Variants in SPATA16 observed in about 807,000 individuals in gnomAD.
SPATA16 encodes spermatogenesis-associated protein 16.
In SPATA16, 36 loss-of-function variants were observed where a neutral mutation model predicts 63.3. The observed-to-expected ratio is 0.57, with a 90% CI of 0.44 to 0.75. The LOEUF is 0.75. Ranked by LOEUF, SPATA16 falls within the 30% of genes least tolerant of loss-of-function variation. The pLI, the probability that SPATA16 is intolerant of heterozygous loss-of-function variation, is 0.00. For missense variants in SPATA16, 646 were observed against 679.3 expected (o/e 0.95, Z 0.54); for synonymous variants, 203 against 216.7 (o/e 0.94, Z 0.56).
intron 10 of SPATA16, among the ~76,000 whole-genome samples, chr3:172,904,481 C>T (rs183274162): frequency 6.8e-4 from 103 of 152,274 alleles, no homozygotes; most frequent in African/African-American, 1.7e-3. Flanking sequence ...CATGATTTGA[C>T]GCCTGCTCAG....
At position 172,889,499 on chromosome 3, in the gene SPATA16, G is replaced by A. The variant is rs563732688; in HGVS notation, c.*71C>T. ...TTGTTATCCAGCTTCACAGTACTAG[G>A]TGGGCATTGGAGTGGATGCCCTTGC... On this transcript the variant is annotated 3_prime_UTR_variant, in exon 11 of 11. Transcript: ENST00000351008. The A allele has an allele frequency of 2.6e-5, 42 of 1,592,584 alleles. No individual in the cohort carries two copies. The highest frequency in any genetic ancestry group is 3.6e-5 in the Non-Finnish European group (42 of 1,162,904).
intron 2 of SPATA16, among the ~76,000 whole-genome samples, chr3:173,090,290 T>A (rs1489802311): frequency 6.6e-6 from 1 of 152,158 alleles, no homozygotes; most frequent in East Asian, 1.9e-4. Context: ...TGTCATGTGA[T>A]GTGCCTGATC....
intron 3 of SPATA16, among the ~76,000 whole-genome samples, chr3:173,035,360 T>G (rs1459897566): frequency 6.6e-6 from 1 of 152,040 alleles, no homozygotes; most frequent in South Asian, 2.1e-4. Context: ...GAAAGTGAGT[T>G]TTGAGCTGCC....
intron 2 of SPATA16, among the ~76,000 whole-genome samples, chr3:173,081,684 A>G (rs1015275117): frequency 6.6e-6 from 1 of 152,212 alleles, no homozygotes; most frequent in Admixed American, 6.5e-5. Context: ...AAATGAAAAC[A>G]CAGATCTTCT....
At position 172,912,472 on chromosome 3, in the gene SPATA16, G is replaced by A. The variant is rs1732390558; in HGVS notation, c.1587+1189C>T. 2.0e-5 allele frequency among the ~76,000 whole-genome samples: 3 copies of A among 151,810 alleles called. No homozygotes were observed. The South Asian group carries it at 6.3e-4, about 32-fold the overall frequency. On this transcript the variant is annotated intron_variant, in intron 10 of 10. Transcript: ENST00000351008. Reference sequence around the variant, plus strand: ...TCTGGGTTTTTTTGTACATACAGTGGACTCTTGAGCAACATGGGTTTGAAA... The same window carrying A: ...TCTGGGTTTTTTTGTACATACAGTGAACTCTTGAGCAACATGGGTTTGAAA...
chr3:173,045,642 C>T (rs564179597), intron 3 of SPATA16, among the ~76,000 whole-genome samples: 6 of 151,998 alleles, frequency 3.9e-5, no homozygotes, highest in East Asian at 1.9e-4. Context: ...ACATTCTAGA[C>T]GTTGTGGTCT....
At chr3:172,943,322 A>G (rs77484534) in intron 6 of SPATA16, among the ~76,000 whole-genome samples, 2,584 of 152,334 alleles carry the variant, frequency 0.017, 74 homozygotes, top group African/African-American at 0.059. Context: ...AGTGGTGGAA[A>G]TTTAAGTCTT....
intron 3 of SPATA16, among the ~76,000 whole-genome samples, chr3:173,024,604 C>G (rs1735409302): frequency 6.6e-6 from 1 of 150,424 alleles, no homozygotes; most frequent in Non-Finnish European, 1.5e-5. Context: ...TAAAATAAAA[C>G]TACATCCAGG....
intron 5 of SPATA16, among the ~76,000 whole-genome samples, chr3:172,961,089 C>CCTGT (rs1322100968): frequency 1.8e-5 from 2 of 112,380 alleles, no homozygotes; most frequent in East Asian, 2.9e-4. Flanking sequence ...TTCCTTCCTT[C>CCTGT]CTTCCTTCCT....
intron 6 of SPATA16, among the ~76,000 whole-genome samples, chr3:172,944,577 G>A (rs1733236352): frequency 6.6e-6 from 1 of 152,168 alleles, no homozygotes; most frequent in Non-Finnish European, 1.5e-5. Context: ...TAGCCAAAAG[G>A]TGGAAGCACC....
rs138574946 is a variant in SPATA16 at position 173,098,969 on chromosome 3, A to C, written c.612+18151T>G. Among the ~76,000 whole-genome samples the C allele has an allele frequency of 2.8e-4, 43 of 152,166 alleles. No individual in the cohort carries two copies. The East Asian group carries it at 6.8e-3, about 24-fold the overall frequency. ...ATCAACCAACCAACCAACCAACCAA[A>C]CAAACAAAAAACCAAAAACCTTCAA... On this transcript the variant is annotated intron_variant, in intron 2 of 10. Transcript: ENST00000351008.
chr3:172,910,338 C>T (rs182561655), intron 10 of SPATA16, among the ~76,000 whole-genome samples: 13 of 152,186 alleles, frequency 8.5e-5, no homozygotes, highest in African/African-American at 2.4e-4. Flanking sequence ...GTGATCCGCC[C>T]GCCTTGGCCT....
chr3:173,100,707 CAG>C (rs372027586), intron 2 of SPATA16, among the ~76,000 whole-genome samples: 6 of 143,810 alleles, frequency 4.2e-5, no homozygotes, highest in Non-Finnish European at 7.6e-5. Context: ...CACACACACA[CAG>C]AGTAAATTCT....
At chr3:173,007,667 A>G (rs1271818687) in intron 4 of SPATA16, among the ~76,000 whole-genome samples, 1 of 152,252 alleles carries the variant, frequency 6.6e-6, no homozygotes, top group Non-Finnish European at 1.5e-5. Context: ...AATAAATGTT[A>G]TATGATATTA....
chr3:173,020,921 T>C (rs924071334), intron 3 of SPATA16, among the ~76,000 whole-genome samples: 2 of 152,232 alleles, frequency 1.3e-5, no homozygotes, highest in African/African-American at 4.8e-5. Context: ...TTCTTAACCT[T>C]TTTTTGAGAG....
At chr3:173,075,635 C>T (rs142706060) in intron 2 of SPATA16, among the ~76,000 whole-genome samples, 32 of 152,108 alleles carry the variant, frequency 2.1e-4, no homozygotes, top group East Asian at 5.8e-4. Flanking sequence ...AGGGATGGAA[C>T]GGGAAGACAT....
At chr3:173,050,425 A>C (rs1446470433) in intron 2 of SPATA16, among the ~76,000 whole-genome samples, 1 of 152,108 alleles carries the variant, frequency 6.6e-6, no homozygotes, top group Non-Finnish European at 1.5e-5. Flanking sequence ...TACTTTCTTC[A>C]TTTAGTAAAA....
chr3:172,998,521 T>C (rs1734741466), intron 4 of SPATA16, among the ~76,000 whole-genome samples: 1 of 152,182 alleles, frequency 6.6e-6, no homozygotes, highest in African/African-American at 2.4e-5. Context: ...CAAATGTGTA[T>C]GCCTTTTATT....
chr3:173,062,977 C>A (rs369252992), intron 2 of SPATA16, among the ~76,000 whole-genome samples: 2 of 152,176 alleles, frequency 1.3e-5, no homozygotes, highest in Non-Finnish European at 2.9e-5. Flanking sequence ...TGCTCGCTGG[C>A]CCCCCACTCA....
Sources: allele counts gnomAD v4.1 joint callset (sites outside exome capture counted in the v4.1 genomes callset), GRCh38; gene constraint gnomAD v4.1.1; transcripts MANE v1.5; gene names NCBI Gene and HGNC (gene_info 2026-07-23, HGNC 2026-07-21).